The following RALGPS1 variants were observed in gnomAD, a reference collection of about 807,000 sequenced individuals.
The protein encoded by RALGPS1 is Ral GEF with PH domain and SH3 binding motif 1, also known as ras-specific guanine nucleotide-releasing factor RalGPS1.
Under a neutral mutation model 78.8 loss-of-function variants are expected in RALGPS1, and 19 were observed. That is an observed-to-expected ratio of 0.24 (90% confidence interval 0.17 to 0.35). The LOEUF (loss-of-function observed/expected upper bound fraction) is 0.35. Ranked by LOEUF, RALGPS1 falls within the 10% of genes least tolerant of loss-of-function variation. RALGPS1 has a pLI of 1.00. For synonymous variants in RALGPS1, 228 were observed against 256.3 expected, an observed-to-expected ratio of 0.89 and a Z score of 1.06; for missense variants, 454 against 688.3, an observed-to-expected ratio of 0.66 and a Z score of 3.81.
intron 8 of RALGPS1, among the ~76,000 whole-genome samples, chr9:127,140,378 A>G (rs2057687838): frequency 6.6e-6 from 1 of 152,192 alleles, no homozygotes; most frequent in South Asian, 2.1e-4. Flanking sequence ...AAAGTCCTGA[A>G]CGGGATGTAC....
At chr9:127,197,414 G>A (rs567856200) in intron 13 of RALGPS1, among the ~76,000 whole-genome samples, 8 of 151,576 alleles carry the variant, frequency 5.3e-5, no homozygotes, top group Non-Finnish European at 5.9e-5. Context: ...CCCTTAGCAG[G>A]GAGTCCTCCC....
At chr9:127,003,882 C>T (rs2043585425) in intron 4 of RALGPS1, among the ~76,000 whole-genome samples, 1 of 152,096 alleles carries the variant, frequency 6.6e-6, no homozygotes, top group Non-Finnish European at 1.5e-5. Flanking sequence ...TTCAGTTGTC[C>T]AGCATCTCTG....
chr9:127,177,924 AG>A (rs1213149094), intron 11 of RALGPS1: 2 of 1,549,092 alleles, frequency 1.3e-6, no homozygotes, highest in African/African-American at 2.7e-5. Context: ...CCAGCAAGCC[AG>A]CCAACCTCCA....
At chr9:127,024,915 G>A (rs1022359616) in intron 4 of RALGPS1, among the ~76,000 whole-genome samples, 1 of 150,824 alleles carries the variant, frequency 6.6e-6, no homozygotes, top group Non-Finnish European at 1.5e-5. Context: ...TTTTTCCTTC[G>A]TCATATTTAT....
chr9:126,988,619 A>C (rs1162736644), intron 4 of RALGPS1, among the ~76,000 whole-genome samples: 2 of 152,176 alleles, frequency 1.3e-5, no homozygotes, highest in Non-Finnish European at 2.9e-5. Flanking sequence ...TTTGTATTTT[A>C]AGATGTTCAT....
Position 127,053,831 on chromosome 9 carries a change from A to G in RALGPS1, c.483+892A>G, listed in dbSNP as rs78276602. Among the ~76,000 whole-genome samples, 21 of 152,330 alleles carry G rather than the reference A, an allele frequency of 1.4e-4. No homozygotes were observed. The East Asian group carries it at 4.1e-3, about 29-fold the overall frequency. On this transcript the variant is annotated intron_variant, in intron 7 of 18. Transcript: ENST00000259351. ...CTTGTTTCTTTAAATTGCTGTTTCCATAGATCTAGTCCTCGCAAAGTAGAG... is the reference window on the plus strand; with the variant it reads ...CTTGTTTCTTTAAATTGCTGTTTCCGTAGATCTAGTCCTCGCAAAGTAGAG...
At chr9:127,173,017 G>A (rs923635982) in intron 10 of RALGPS1, among the ~76,000 whole-genome samples, 2 of 152,192 alleles carry the variant, frequency 1.3e-5, no homozygotes, top group Non-Finnish European at 2.9e-5. Flanking sequence ...CTCCTCCCAT[G>A]TGTGTGAGGG....
At chr9:127,198,448 G>A (rs963101107) in intron 13 of RALGPS1, among the ~76,000 whole-genome samples, 2 of 152,200 alleles carry the variant, frequency 1.3e-5, no homozygotes, top group East Asian at 1.9e-4. Context: ...AAGCAGGGTC[G>A]CCCATTCAGC....
At position 127,091,476 on chromosome 9, in the gene RALGPS1, G is replaced by C. The variant is rs920882759; in HGVS notation, c.610+22120G>C. Among the ~76,000 whole-genome samples the C allele has an allele frequency of 2.0e-5, 3 of 151,976 alleles. No homozygotes were observed. Among genetic ancestry groups the C allele is most frequent in the Admixed American group, 2.0e-4 (3 of 15,268 alleles). On this transcript the variant is annotated intron_variant, in intron 8 of 18. Transcript: ENST00000259351. This position sits in a 1 kb window ranked among gnomAD's most constrained non-coding sequence, Gnocchi z 4.3. ...TTTTTCTTAATTTGTAAATGCCACTGTGACCCAGCTTTGTGAAGGGGACCT... is the reference window on the plus strand; with the variant it reads ...TTTTTCTTAATTTGTAAATGCCACTCTGACCCAGCTTTGTGAAGGGGACCT...
chr9:127,168,054 C>T (rs2059378647), intron 9 of RALGPS1, among the ~76,000 whole-genome samples: 2 of 152,268 alleles, frequency 1.3e-5, no homozygotes, highest in Admixed American at 1.3e-4. Context: ...GATATTGTTT[C>T]TCCCACGTGA....
At chr9:127,119,129 G>A (rs900268192) in intron 8 of RALGPS1, among the ~76,000 whole-genome samples, 3 of 152,160 alleles carry the variant, frequency 2.0e-5, no homozygotes, top group Non-Finnish European at 4.4e-5. Context: ...CCAGGCACGT[G>A]GAACAAGTCA....
At chr9:126,955,509 C>T (rs563289466) in intron 1 of RALGPS1, among the ~76,000 whole-genome samples, 19 of 152,136 alleles carry the variant, frequency 1.2e-4, no homozygotes, top group South Asian at 8.3e-4. Flanking sequence ...TTTGAAATTA[C>T]GGTAGTTATT....
chr9:127,092,307 G>A (rs2052583503), intron 8 of RALGPS1, among the ~76,000 whole-genome samples: 1 of 152,200 alleles, frequency 6.6e-6, no homozygotes, highest in South Asian at 2.1e-4. Context: ...GACCTTCACT[G>A]AGCTTCACCT....
At chr9:127,077,161 T>C (rs1029681850) in intron 8 of RALGPS1, among the ~76,000 whole-genome samples, 3 of 152,066 alleles carry the variant, frequency 2.0e-5, no homozygotes, top group Non-Finnish European at 4.4e-5. Flanking sequence ...TGGGTTGGAT[T>C]TGCATTGAAC....
intron 8 of RALGPS1, chr9:127,079,484 T>A (rs745873954): frequency 6.6e-6 from 1 of 152,202 alleles, no homozygotes; most frequent in Non-Finnish European, 1.5e-5. Context: ...GTGATTTGCT[T>A]CTAACAAATA....
At chr9:126,957,529 C>T (rs918779029) in intron 1 of RALGPS1, among the ~76,000 whole-genome samples, 4 of 152,280 alleles carry the variant, frequency 2.6e-5, no homozygotes, top group African/African-American at 9.6e-5. Context: ...TCTGTTAGGC[C>T]TGGATTGAGT....
chr9:127,012,837 G>GT (rs1048234896), intron 4 of RALGPS1, among the ~76,000 whole-genome samples: 3 of 152,150 alleles, frequency 2.0e-5, no homozygotes, highest in African/African-American at 7.2e-5. Context: ...CAATCACTCA[G>GT]TTGTTCAGCA....
chr9:127,120,620 G>A (rs1345893378), intron 8 of RALGPS1, among the ~76,000 whole-genome samples: 1 of 152,170 alleles, frequency 6.6e-6, no homozygotes, highest in African/African-American at 2.4e-5. Context: ...TCAGGAGATC[G>A]AGACCATCCT....
At chr9:127,089,502 T>G (rs1299459572) in intron 8 of RALGPS1, among the ~76,000 whole-genome samples, 1 of 152,140 alleles carries the variant, frequency 6.6e-6, no homozygotes, top group African/African-American at 2.4e-5. Context: ...CCAAGGGAAC[T>G]CCACACCTTG....
Sources: gnomAD v4.1 joint callset for allele counts (sites outside exome capture counted in the v4.1 genomes callset) on GRCh38, gnomAD v4.1.1 for gene constraint, Gnocchi (gnomAD v3.1) non-coding constraint, MANE v1.5 for transcripts, NCBI Gene and HGNC (gene_info 2026-07-23, HGNC 2026-07-21) for gene names.